Variants in ADGRL3 observed in about 807,000 individuals in gnomAD.
The protein encoded by ADGRL3 is calcium-independent alpha-latrotoxin receptor 3.
ADGRL3 carries 62 observed loss-of-function variants against 153.5 expected under a neutral mutation model. That is an observed-to-expected ratio of 0.40 (90% confidence interval 0.33 to 0.50). ADGRL3 has a LOEUF of 0.50. Among genes scored for constraint, ADGRL3 ranks in the 20% least tolerant of loss-of-function variants. ADGRL3 has a pLI of 0.47. For missense variants in ADGRL3, 1,641 were observed against 1,859.4 expected (o/e 0.88, Z 2.16); for synonymous variants, 710 against 672.5 (o/e 1.06, Z -0.86).
At position 62,075,369 on chromosome 4, in the gene ADGRL3, G is replaced by A. The variant is rs1156775288; in HGVS notation, c.*4461G>A. The A allele has an allele frequency of 6.6e-6, 1 of 151,844 alleles. No individual in the cohort carries two copies. The highest frequency in any genetic ancestry group is 1.5e-5 in the Non-Finnish European group (1 of 67,982). The allele number at this position is 151,844 out of a possible 1,614,324, so 9.4% of individuals were successfully genotyped here. A position where few individuals can be genotyped will look rare whatever the true frequency, so the allele number is the denominator to read the frequency against. Reference sequence around the variant, plus strand: ...CTTGGCCTGTGATGTATTGCAGAGGGAAAAAAACCAACACTACAGAAGTAT... The same window carrying A: ...CTTGGCCTGTGATGTATTGCAGAGGAAAAAAAACCAACACTACAGAAGTAT... On this transcript the variant is annotated 3_prime_UTR_variant, in exon 27 of 27. Coordinates refer to ENST00000683033, the MANE Select transcript of ADGRL3 (RefSeq NM_001387552.1).
In ADGRL3 at chr4:61,838,157, A is replaced by G. The variant is rs79409031; in HGVS notation, c.1480+24268A>G. Among the ~76,000 whole-genome samples, 73 of 152,288 alleles carry G rather than the reference A, an allele frequency of 4.8e-4. 1 individual carries two copies. In the East Asian group the frequency reaches 0.012, roughly 25 times the overall value. Reference sequence around the variant, plus strand: ...AGCTAAATAAATACCTCATGGTGCTATTTAGTAGTAATTATACTTGCTGGA... The same window carrying G: ...AGCTAAATAAATACCTCATGGTGCTGTTTAGTAGTAATTATACTTGCTGGA... On this transcript the variant is annotated intron_variant, in intron 9 of 26. Coordinates refer to ENST00000683033, the MANE Select transcript of ADGRL3 (RefSeq NM_001387552.1).
At chr4:61,975,378 C>T (rs2099044349) in intron 17 of ADGRL3, among the ~76,000 whole-genome samples, 2 of 152,008 alleles carry the variant, frequency 1.3e-5, no homozygotes, top group Admixed American at 1.3e-4. Flanking sequence ...GATGCAAAGA[C>T]CATGGGCTGG....
At chr4:61,571,403 C>T (rs1230894822) in intron 4 of ADGRL3, among the ~76,000 whole-genome samples, 1 of 151,990 alleles carries the variant, frequency 6.6e-6, no homozygotes, top group African/African-American at 2.4e-5. Flanking sequence ...GTCCCAGCTA[C>T]TCAGGAGGCT....
chr4:62,021,071 A>G (rs1353007291), intron 21 of ADGRL3, among the ~76,000 whole-genome samples: 1 of 152,052 alleles, frequency 6.6e-6, no homozygotes, highest in Non-Finnish European at 1.5e-5. Flanking sequence ...TTAATATATA[A>G]TTTCCAAAAT....
chr4:61,374,288 A>G (rs2096577237), intron 1 of ADGRL3, among the ~76,000 whole-genome samples: 1 of 152,124 alleles, frequency 6.6e-6, no homozygotes, highest in Non-Finnish European at 1.5e-5. Flanking sequence ...TCTGGATGTC[A>G]GTTTGTCAAT....
At chr4:62,063,381 G>A in intron 25 of ADGRL3, 2 of 460,124 alleles carry the variant, frequency 4.3e-6, no homozygotes, top group Non-Finnish European at 7.8e-6. Context: ...CTAGTTAGCT[G>A]CCTGCCTGTA....
At chr4:61,779,606 C>T (rs2097190866) in intron 8 of ADGRL3, among the ~76,000 whole-genome samples, 1 of 136,318 alleles carries the variant, frequency 7.3e-6, no homozygotes. Flanking sequence ...AGCCACCCAG[C>T]CTCGGTGCTG....
intron 4 of ADGRL3, among the ~76,000 whole-genome samples, chr4:61,580,766 A>G (rs11941524): frequency 0.35 from 52,482 of 151,738 alleles, 9,896 homozygotes; most frequent in East Asian, 0.63. Context: ...GGACCTTTCC[A>G]TGGGACTGCT....
At chr4:61,956,831 A>G (rs531825726) in intron 17 of ADGRL3, among the ~76,000 whole-genome samples, 1 of 152,268 alleles carries the variant, frequency 6.6e-6, no homozygotes, top group South Asian at 2.1e-4. Flanking sequence ...AGGTTTGTCA[A>G]AGGTCTGAAG....
chr4:61,415,208 G>A (rs750666202), intron 2 of ADGRL3, among the ~76,000 whole-genome samples: 10 of 151,756 alleles, frequency 6.6e-5, no homozygotes, highest in Non-Finnish European at 1.5e-4. Context: ...CCTCAGCTGA[G>A]ATACTACTAC....
chr4:61,832,188 G>A (rs2097879432), intron 9 of ADGRL3, among the ~76,000 whole-genome samples: 1 of 152,152 alleles, frequency 6.6e-6, no homozygotes, highest in Admixed American at 6.5e-5. Context: ...GGGCCAAGCA[G>A]TTTAGGCTTT....
chr4:61,775,714 T>C, intron 8 of ADGRL3: 2 of 1,253,132 alleles, frequency 1.6e-6, no homozygotes, highest in South Asian at 1.2e-5. Flanking sequence ...AAGGTGGGCT[T>C]GGTGCTTGTC....
chr4:61,435,087 T>A (rs567782592), intron 2 of ADGRL3, among the ~76,000 whole-genome samples: 1 of 152,244 alleles, frequency 6.6e-6, no homozygotes, highest in East Asian at 1.9e-4. Flanking sequence ...CATTTTTAAA[T>A]GCCAGAACAA....
intron 3 of ADGRL3, among the ~76,000 whole-genome samples, chr4:61,504,695 ACT>A (rs2098415872): frequency 6.6e-6 from 1 of 151,692 alleles, no homozygotes; most frequent in African/African-American, 2.4e-5. Flanking sequence ...CCATCATTCT[ACT>A]CTCTGTCTCC....
At chr4:61,912,847 T>C in intron 13 of ADGRL3, 90 bp downstream of exon 13, 1 of 1,220,038 alleles carries the variant, frequency 8.2e-7, no homozygotes. Context: ...AATGATAATG[T>C]ACCTTACTGA....
chr4:61,826,276 A>G (rs2097799980), intron 9 of ADGRL3, among the ~76,000 whole-genome samples: 1 of 152,220 alleles, frequency 6.6e-6, no homozygotes, highest in South Asian at 2.1e-4. Flanking sequence ...CCATTATTAC[A>G]GTTGAATAGT....
At chr4:61,388,629 T>C (rs574286928) in intron 2 of ADGRL3, among the ~76,000 whole-genome samples, 1 of 152,330 alleles carries the variant, frequency 6.6e-6, no homozygotes, top group East Asian at 1.9e-4. Flanking sequence ...ACAGTCCTCT[T>C]CTGTGTGGAT....
rs552259563 is a variant in ADGRL3, at chr4:61,779,074, A to C, written c.1400-34735A>C. Among the ~76,000 whole-genome samples, 33 of 151,602 alleles carry C rather than the reference A, an allele frequency of 2.2e-4. No homozygotes were observed. The South Asian group carries it at 6.9e-3, about 32-fold the overall frequency. ...CTCTGTCTCAAAAAAAAAAAAAATCACTTGTAGAGGAAATATTAGAATGTT... is the reference window on the plus strand; with the variant it reads ...CTCTGTCTCAAAAAAAAAAAAAATCCCTTGTAGAGGAAATATTAGAATGTT... On this transcript the variant is annotated intron_variant, in intron 8 of 26. Transcript: ENST00000683033.
chr4:61,727,130 T>C lies in ADGRL3; in HGVS notation c.584-3492T>C, dbSNP rs558476738. ...CAGAAATGGCTGAACAAATATCTTATTTTTTGAAACAATAACATGACTATA... is the reference window on the plus strand; with the variant it reads ...CAGAAATGGCTGAACAAATATCTTACTTTTTGAAACAATAACATGACTATA... On this transcript the variant is annotated intron_variant, in intron 6 of 26. Transcript: ENST00000683033. Among the ~76,000 whole-genome samples, 3 of 152,264 alleles carry C rather than the reference T, an allele frequency of 2.0e-5. No individual in the cohort carries two copies. In the South Asian group the frequency reaches 6.2e-4, roughly 32 times the overall value.
Sources: allele counts gnomAD v4.1 joint callset (sites outside exome capture counted in the v4.1 genomes callset), GRCh38; gene constraint gnomAD v4.1.1; transcripts MANE v1.5; gene names NCBI Gene and HGNC (gene_info 2026-07-23, HGNC 2026-07-21).